DRD3: variants seen among roughly 807,000 people sequenced by gnomAD.
DRD3 encodes dopamine receptor D3.
DRD3 carries 19 observed loss-of-function variants against 36.3 expected under a neutral mutation model. The ratio of observed to expected loss-of-function variants is 0.52; its 90% CI spans 0.36 to 0.77. The LOEUF (loss-of-function observed/expected upper bound fraction) is 0.77, where lower values mean the gene tolerates loss of function less well. Ranked by LOEUF, DRD3 falls within the 30% of genes least tolerant of loss-of-function variation. The pLI, the probability that DRD3 is intolerant of heterozygous loss-of-function variation, is 0.00. For missense variants in DRD3, 465 were observed against 505.3 expected (o/e 0.92, Z 0.77); for synonymous variants, 195 against 203.7 (o/e 0.96, Z 0.36).
In DRD3 at chr3:114,175,190, G is replaced by A. The variant is rs79177171; in HGVS notation, c.-35-3163C>T. Among the ~76,000 whole-genome samples, 467 of 152,204 alleles carry A rather than the reference G, an allele frequency of 3.1e-3. 4 individuals are homozygous for A. The highest frequency in any genetic ancestry group is 0.011 in the African/African-American group (438 of 41,520). ...TAGACATTGCCACATATCCTGGAGC[G>A]GGGGTGCAAATTGCTCTCCCCATGA... On this transcript the variant is annotated intron_variant, in intron 1 of 6. Coordinates refer to ENST00000383673, the MANE Select transcript of DRD3 (RefSeq NM_000796.6).
intron 5 of DRD3, among the ~76,000 whole-genome samples, chr3:114,133,406 A>G (rs1311656267): frequency 6.6e-6 from 1 of 152,162 alleles, no homozygotes; most frequent in Non-Finnish European, 1.5e-5. Flanking sequence ...GGGATTGTAG[A>G]TGAAATAAGA....
intron 2 of DRD3, among the ~76,000 whole-genome samples, chr3:114,161,041 G>A (rs2077727610): frequency 6.6e-6 from 1 of 152,084 alleles, no homozygotes; most frequent in African/African-American, 2.4e-5. Flanking sequence ...CAGGGAGATT[G>A]ACACTTTTAA....
At chr3:114,176,133 C>T (rs750904014) in intron 1 of DRD3, 5 of 152,154 alleles carry the variant, frequency 3.3e-5, no homozygotes, top group African/African-American at 9.7e-5. Context: ...CTGAAACATT[C>T]GTGGGGTTCC....
chr3:114,170,684 A>C (rs1577617967), intron 2 of DRD3, among the ~76,000 whole-genome samples: 1 of 152,108 alleles, frequency 6.6e-6, no homozygotes. Context: ...TAGCACAGGC[A>C]GTCTATGTAC....
intron 2 of DRD3, among the ~76,000 whole-genome samples, chr3:114,161,082 G>A (rs2077728019): frequency 1.3e-5 from 2 of 152,080 alleles, no homozygotes; most frequent in Admixed American, 6.5e-5. Context: ...CATGGACCGC[G>A]AGGCTTTGTG....
chr3:114,139,479 T>C, intron 5 of DRD3, 21 bp downstream of exon 5: 1 of 1,606,656 alleles, frequency 6.2e-7, no homozygotes, highest in Non-Finnish European at 8.5e-7. Flanking sequence ...GTCTTCCCTC[T>C]ACCCCCTCCA....
chr3:114,189,478 C>T (rs1263347504), intron 1 of DRD3, among the ~76,000 whole-genome samples: 1 of 152,180 alleles, frequency 6.6e-6, no homozygotes, highest in East Asian at 1.9e-4. Context: ...ATGATCATTT[C>T]CAGCTCCAAT....
At position 114,132,451 on chromosome 3, in the gene DRD3, A is replaced by C. The variant is rs554478357; in HGVS notation, c.724-1051T>G. ...GGAAGAGCATTAGGACAAATACCTA[A>C]TCCATGCAGAGCTTAAAACCTAGAT... is the stretch of plus-strand genomic sequence containing the variant. On this transcript the variant is annotated intron_variant, in intron 5 of 6. Transcript: ENST00000383673. Among the ~76,000 whole-genome samples, 8 of 152,228 alleles carry C rather than the reference A, an allele frequency of 5.3e-5. No homozygotes were observed. In the South Asian group the frequency reaches 1.5e-3, roughly 28 times the overall value.
At chr3:114,155,961 T>C (rs988914977) in intron 3 of DRD3, among the ~76,000 whole-genome samples, 1 of 152,136 alleles carries the variant, frequency 6.6e-6, no homozygotes, top group Non-Finnish European at 1.5e-5. Context: ...CTCCCAATAA[T>C]ATCATCCATC....
intron 5 of DRD3, among the ~76,000 whole-genome samples, chr3:114,136,299 C>T (rs1333420652): frequency 6.6e-6 from 1 of 152,018 alleles, no homozygotes; most frequent in Non-Finnish European, 1.5e-5. Context: ...TATGGAAATT[C>T]AGTCCTATAG....
chr3:114,173,553 C>T lies in DRD3; in HGVS notation c.-35-1526G>A, dbSNP rs72944693. Among the ~76,000 whole-genome samples the T allele has an allele frequency of 5.4e-3, 823 of 152,214 alleles. 4 individuals are homozygous for T. The highest frequency in any genetic ancestry group is 0.019 in the African/African-American group (794 of 41,526). ...GTTCCTGGGGCCAAGTGGTGGCTTT[C>T]AGTTAGAGCTCAGACAAATAGATTC... On this transcript the variant is annotated intron_variant, in intron 1 of 6. Transcript: ENST00000383673.
At chr3:114,129,040 C>CT (rs1225118479) in intron 6 of DRD3, 128 bp from the exon 7 acceptor site, 43 of 1,015,310 alleles carry the variant, frequency 4.2e-5, no homozygotes, top group Admixed American at 6.0e-5. Context: ...TACCCACTTA[C>CT]TTTTTTTTAT....
chr3:114,147,301 T>C, intron 4 of DRD3, 114 bp downstream of exon 4: 1 of 1,351,658 alleles, frequency 7.4e-7, no homozygotes, highest in Non-Finnish European at 1.0e-6. Context: ...CTCATTTAAT[T>C]GCAAAGTACA....
chr3:114,197,057 A>G (rs1028944779), intron 1 of DRD3, among the ~76,000 whole-genome samples: 24 of 149,776 alleles, frequency 1.6e-4, no homozygotes, highest in African/African-American at 5.9e-4. Context: ...ATATGTATAC[A>G]TGTGCTATGC....
At chr3:114,191,927 T>C (rs936003455) in intron 1 of DRD3, among the ~76,000 whole-genome samples, 4 of 152,164 alleles carry the variant, frequency 2.6e-5, no homozygotes, top group African/African-American at 9.7e-5. Context: ...ACCAACCAAA[T>C]AAGACAGCAA....
chr3:114,199,064 T>TA, intron 1 of DRD3, among the ~76,000 whole-genome samples: 2 of 152,260 alleles, frequency 1.3e-5, no homozygotes, highest in African/African-American at 4.8e-5. Flanking sequence ...ACCTGTTATA[T>TA]AGAATTTAAA....
chr3:114,129,145 C>A (rs1188666022), intron 6 of DRD3, among the ~76,000 whole-genome samples: 1 of 152,002 alleles, frequency 6.6e-6, no homozygotes, highest in Non-Finnish European at 1.5e-5. Flanking sequence ...GAGTACAAGA[C>A]CAGTCTGGGC....
chr3:114,178,407 A>G (rs890697123), intron 1 of DRD3, among the ~76,000 whole-genome samples: 2 of 152,194 alleles, frequency 1.3e-5, no homozygotes, highest in Non-Finnish European at 1.5e-5. Context: ...CTTCCTTGAT[A>G]TAGCTTCTAG....
intron 1 of DRD3, among the ~76,000 whole-genome samples, chr3:114,193,051 G>A (rs984844906): frequency 5.3e-5 from 8 of 152,010 alleles, no homozygotes; most frequent in South Asian, 2.1e-4. Context: ...AGGCCGAGGC[G>A]GGTAGATCAC....
Sources: allele counts gnomAD v4.1 joint callset (sites outside exome capture counted in the v4.1 genomes callset), GRCh38; gene constraint gnomAD v4.1.1; transcripts MANE v1.5; gene names NCBI Gene and HGNC (gene_info 2026-07-23, HGNC 2026-07-21).